Variants in SFXN5 observed in about 807,000 individuals in gnomAD.
The protein encoded by SFXN5 is sideroflexin 5.
A neutral mutation model predicts 50.2 loss-of-function variants in SFXN5; 43 were observed. That is an observed-to-expected ratio of 0.86 (90% confidence interval 0.67 to 1.11). SFXN5 has a LOEUF of 1.11. Among genes scored for constraint, SFXN5 ranks in the 50% least tolerant of loss-of-function variants. The pLI is 0.00. For synonymous variants in SFXN5, 203 were observed against 185.8 expected, an observed-to-expected ratio of 1.09 and a Z score of -0.75; for missense variants, 463 against 454.1, an observed-to-expected ratio of 1.02 and a Z score of -0.18.
At chr2:72,988,624 C>T (rs749063007) in intron 9 of SFXN5, among the ~76,000 whole-genome samples, 9 of 152,108 alleles carry the variant, frequency 5.9e-5, no homozygotes, top group Admixed American at 1.3e-4. Context: ...CACACATACA[C>T]ACACATTTAC....
chr2:73,011,255 A>G (rs1675462974), intron 6 of SFXN5, among the ~76,000 whole-genome samples: 1 of 152,090 alleles, frequency 6.6e-6, no homozygotes, highest in Non-Finnish European at 1.5e-5. Flanking sequence ...GGATCTCCCT[A>G]TGTTGCCCAG....
chr2:72,942,528 C>G lies in SFXN5; in HGVS notation c.*2494G>C, dbSNP rs1006347653. ...TGACTGTGTCCAGGCTTAGCCTCCA[C>G]CCCAGGCATGAACCAATCTGCCCCT... On this transcript the variant is annotated 3_prime_UTR_variant, in exon 14 of 14. Coordinates refer to ENST00000272433, the MANE Select transcript of SFXN5 (RefSeq NM_144579.3). 4.6e-5 allele frequency: 7 copies of G among 152,436 alleles called. No homozygotes were observed. Among genetic ancestry groups the G allele is most frequent in the Admixed American group, 1.3e-4 (2 of 15,290 alleles). 9.4% of individuals were successfully genotyped at this position (152,436 alleles called of 1,614,324 possible).
chr2:72,991,591 A>G (rs2105606152), intron 9 of SFXN5, among the ~76,000 whole-genome samples: 1 of 152,350 alleles, frequency 6.6e-6, no homozygotes, highest in Non-Finnish European at 1.5e-5. Context: ...TTACCGCCCC[A>G]GCACCTAGGA....
At chr2:73,039,672 A>G (rs1679368560) in intron 3 of SFXN5, among the ~76,000 whole-genome samples, 1 of 152,226 alleles carries the variant, frequency 6.6e-6, no homozygotes, top group South Asian at 2.1e-4. Flanking sequence ...GAAAGATAGA[A>G]TATAAATTTC....
At chr2:73,014,122 G>A (rs1210130123) in intron 6 of SFXN5, among the ~76,000 whole-genome samples, 1 of 152,072 alleles carries the variant, frequency 6.6e-6, no homozygotes, top group Non-Finnish European at 1.5e-5. Context: ...TCCACTGCGT[G>A]ACTAAGCCAT....
chr2:72,951,701 C>T (rs1672549139), intron 13 of SFXN5, among the ~76,000 whole-genome samples: 1 of 114,914 alleles, frequency 8.7e-6, no homozygotes, highest in Non-Finnish European at 1.7e-5. Flanking sequence ...TTTCTGCCTC[C>T]TTTTCAAAGG....
At chr2:72,991,818 T>C (rs1672641034) in intron 9 of SFXN5, among the ~76,000 whole-genome samples, 1 of 152,158 alleles carries the variant, frequency 6.6e-6, no homozygotes, top group East Asian at 1.9e-4. Flanking sequence ...ACACAGCTCA[T>C]CACAAACAGC....
chr2:73,029,865 A>G (rs1678072663), intron 3 of SFXN5, among the ~76,000 whole-genome samples: 2 of 152,158 alleles, frequency 1.3e-5, no homozygotes, highest in African/African-American at 4.8e-5. Context: ...TGAGCTCAGG[A>G]GTTTGAGAAC....
At chr2:73,030,627 C>G (rs1678184687) in intron 3 of SFXN5, among the ~76,000 whole-genome samples, 1 of 151,968 alleles carries the variant, frequency 6.6e-6, no homozygotes, top group Non-Finnish European at 1.5e-5. Context: ...AACTCTCTAC[C>G]CATTAAATGT....
At chr2:72,968,243 ATAGTAAAAGTCCAAGAATTC>A (rs1674694459) in intron 12 of SFXN5, among the ~76,000 whole-genome samples, 185 bp downstream of exon 12, 1 of 152,042 alleles carries the variant, frequency 6.6e-6, no homozygotes, top group Admixed American at 6.6e-5. Flanking sequence ...AGGGTCCTGC[ATAGTAAAAGTCCAAGAATTC>A]TCACAGAGTG....
intron 10 of SFXN5, among the ~76,000 whole-genome samples, chr2:72,976,549 T>C (rs1431979531): frequency 6.6e-6 from 1 of 152,230 alleles, no homozygotes; most frequent in African/African-American, 2.4e-5. Flanking sequence ...ATACTATTCA[T>C]CTTAAACAGG....
chr2:72,979,200 T>C (rs1670994959), intron 10 of SFXN5, among the ~76,000 whole-genome samples: 1 of 152,160 alleles, frequency 6.6e-6, no homozygotes, highest in Non-Finnish European at 1.5e-5. Flanking sequence ...ACCTAAATGG[T>C]AAGCATACAC....
At chr2:72,995,316 TAA>T (rs1673087922) in intron 9 of SFXN5, among the ~76,000 whole-genome samples, 5 of 152,380 alleles carry the variant, frequency 3.3e-5, no homozygotes, top group Admixed American at 3.3e-4. Flanking sequence ...AAAAATAACT[TAA>T]GACGGGATTT....
intron 6 of SFXN5, among the ~76,000 whole-genome samples, chr2:73,004,658 G>T (rs1674380759): frequency 6.6e-6 from 1 of 151,994 alleles, no homozygotes; most frequent in Non-Finnish European, 1.5e-5. Flanking sequence ...TGGAGAGGGT[G>T]AGGTTAGAAG....
At chr2:73,000,035 G>A (rs1328088631) in intron 8 of SFXN5, among the ~76,000 whole-genome samples, 2 of 152,186 alleles carry the variant, frequency 1.3e-5, no homozygotes, top group East Asian at 3.9e-4. Context: ...CGCTAAGGCA[G>A]CTTCCAGAAA....
At chr2:73,059,003 C>T (rs1422802344) in intron 1 of SFXN5, 1 of 971,962 alleles carries the variant, frequency 1.0e-6, no homozygotes, top group Non-Finnish European at 1.2e-6. Context: ...AAGCATCCTG[C>T]CTACCCGCCA....
At chr2:72,968,800 C>T (rs1252260010) in intron 11 of SFXN5, among the ~76,000 whole-genome samples, 3 of 150,672 alleles carry the variant, frequency 2.0e-5, no homozygotes, top group African/African-American at 7.3e-5. Flanking sequence ...CTCTCTCTCT[C>T]TTTCTTTCTT....
intron 3 of SFXN5, among the ~76,000 whole-genome samples, chr2:73,024,438 C>G (rs1317057009): frequency 3.3e-5 from 5 of 152,198 alleles, no homozygotes; most frequent in Non-Finnish European, 7.3e-5. Flanking sequence ...AGGAGGATTG[C>G]TGAGCCCAGG....
At position 73,001,516 on chromosome 2, in the gene SFXN5, G is replaced by A. The variant is rs777266613; in HGVS notation, c.411+9C>T. 1 of 1,614,166 alleles carries A rather than the reference G, an allele frequency of 6.2e-7. No individual in the cohort carries two copies. The highest frequency in any genetic ancestry group is 8.5e-7 in the Non-Finnish European group (1 of 1,180,002). On this transcript the variant is annotated intron_variant, in intron 7 of 13. Transcript: ENST00000272433. The stretch of plus-strand genomic sequence containing the variant: ...CCTTCAGGAGCCCTGTTTGCTGCGA[G>A]ACTGTTACCTGCCAGAAGACAGTGG...
Sources: allele counts gnomAD v4.1 joint callset (sites outside exome capture counted in the v4.1 genomes callset), GRCh38; gene constraint gnomAD v4.1.1; transcripts MANE v1.5; gene names NCBI Gene and HGNC (gene_info 2026-07-23, HGNC 2026-07-21).